MAP3K5: variants seen among roughly 807,000 people sequenced by gnomAD.
The protein encoded by MAP3K5 is ASK-1.
A neutral mutation model predicts 158.7 loss-of-function variants in MAP3K5; 56 were observed. The observed-to-expected ratio is 0.35, with a 90% confidence interval of 0.28 to 0.44. MAP3K5 has a LOEUF of 0.44. Among genes scored for constraint, MAP3K5 ranks in the 20% least tolerant of loss-of-function variants. The pLI, the probability that MAP3K5 is intolerant of heterozygous loss-of-function variation, is 1.00. For synonymous variants in MAP3K5, 579 were observed against 601.7 expected (o/e 0.96, Z 0.55); for missense variants, 1,294 against 1,674.8 (o/e 0.77, Z 3.97).
At chr6:136,699,317 G>C (rs1780745343) in intron 3 of MAP3K5, among the ~76,000 whole-genome samples, 1 of 152,112 alleles carries the variant, frequency 6.6e-6, no homozygotes, top group South Asian at 2.1e-4. Context: ...ATGCACCAAT[G>C]GACCTGGCCT....
At chr6:136,654,595 C>T (rs1778662961) in intron 10 of MAP3K5, among the ~76,000 whole-genome samples, 2 of 152,086 alleles carry the variant, frequency 1.3e-5, no homozygotes, top group Admixed American at 1.3e-4. Context: ...TACAGGTATG[C>T]ACCACCATGC....
Position 136,720,545 on chromosome 6 carries a change from A to C in MAP3K5, c.493T>G (p.Leu165Val), listed in dbSNP as rs765441694. The C allele has an allele frequency of 2.1e-5, 34 of 1,613,296 alleles. No homozygotes were observed. The highest frequency in any genetic ancestry group is 2.1e-5 in the Non-Finnish European group (25 of 1,179,602). Residue 165 changes from leucine (L) to valine (V), a missense_variant, in exon 2 of 30, where the codon TTG becomes GTG. Transcript: ENST00000359015. ...TCTCTCACCCCAAGGTGGTAAAACA[A>C]GGACGGCTGCCGGAAGGCATCGCTC... ...EMSDAFRQPS[L>V]FYHLGVRESF...
intron 1 of MAP3K5, among the ~76,000 whole-genome samples, chr6:136,748,231 C>T (rs1022062307): frequency 1.3e-5 from 2 of 152,138 alleles, no homozygotes; most frequent in Non-Finnish European, 2.9e-5. Context: ...GGTTGACAAG[C>T]TTCTCAAATG....
At chr6:136,583,468 A>G in intron 24 of MAP3K5, 87 bp downstream of exon 24, 1 of 1,257,536 alleles carries the variant, frequency 8.0e-7, no homozygotes, top group South Asian at 1.6e-5. Flanking sequence ...TGGAATTTTA[A>G]AAGAAAAATA....
At chr6:136,741,830 T>C (rs1333032243) in intron 1 of MAP3K5, among the ~76,000 whole-genome samples, 2 of 152,116 alleles carry the variant, frequency 1.3e-5, no homozygotes, top group East Asian at 1.9e-4. Flanking sequence ...CAAAAGTAAA[T>C]TGCTTTTCTA....
chr6:136,692,256 G>C (rs1018053934), intron 7 of MAP3K5, among the ~76,000 whole-genome samples: 3 of 152,042 alleles, frequency 2.0e-5, no homozygotes, highest in Non-Finnish European at 4.4e-5. Context: ...ATAAGCTGTA[G>C]AGAGTTTGGA....
intron 2 of MAP3K5, among the ~76,000 whole-genome samples, chr6:136,718,575 T>C (rs1781622635): frequency 6.6e-6 from 1 of 152,186 alleles, no homozygotes; most frequent in African/African-American, 2.4e-5. Flanking sequence ...AGATAATATG[T>C]ACAAGATAAA....
chr6:136,611,123 A>G (rs550045200), intron 18 of MAP3K5, among the ~76,000 whole-genome samples, 159 bp downstream of exon 18: 30 of 150,196 alleles, frequency 2.0e-4, no homozygotes, highest in Non-Finnish European at 2.7e-4. Flanking sequence ...AAAAAAAAAA[A>G]AAAAAAAAAA....
In MAP3K5 at chr6:136,656,475, A is replaced by T. The variant is rs180892645; in HGVS notation, c.1527-15T>A. 1.3e-6 allele frequency: 2 copies of T among 1,525,518 alleles called. No homozygotes were observed. Among genetic ancestry groups the T allele is most frequent in the African/African-American group, 2.8e-5 (2 of 71,758 alleles). 94.5% of individuals were successfully genotyped at this position (1,525,518 alleles called of 1,614,324 possible). A position where few individuals can be genotyped will look rare whatever the true frequency, so the allele number is the denominator to read the frequency against. ...ACTTGAGGTACCTGAGAAGGAAAAG[A>T]TATAAAACATGTAACAGACAAATTT... On this transcript the variant is annotated splice_polypyrimidine_tract_variant and intron_variant, in intron 9 of 29. Transcript: ENST00000359015.
chr6:136,671,711 T>A (rs140044528), intron 7 of MAP3K5, among the ~76,000 whole-genome samples: 139 of 152,074 alleles, frequency 9.1e-4, no homozygotes, highest in Non-Finnish European at 1.4e-3. Flanking sequence ...CCTCCAGGGG[T>A]CAAGCGATTC....
chr6:136,592,391 C>A, intron 22 of MAP3K5, 46 bp downstream of exon 22: 1 of 1,599,992 alleles, frequency 6.3e-7, no homozygotes, highest in Non-Finnish European at 8.5e-7. Flanking sequence ...TAAAATGACA[C>A]ACTTAACAAC....
Position 136,665,755 on chromosome 6 carries a change from C to T in MAP3K5, c.1366+3528G>A, listed in dbSNP as rs1057219610. Among the ~76,000 whole-genome samples the T allele has an allele frequency of 1.1e-4, 17 of 152,192 alleles. 1 individual carries two copies. The highest frequency in any genetic ancestry group is 1.5e-5 in the Non-Finnish European group (1 of 68,038). On this transcript the variant is annotated intron_variant, in intron 8 of 29. Transcript: ENST00000359015. ...TTCTAATTTTCGGAAAAGTTGGTCA[C>T]TTCCATAGGTGACAAAGGAGTTTTT...
Position 136,715,782 on chromosome 6 carries a change from G to C in MAP3K5, c.588+4668C>G, listed in dbSNP as rs543312037. Among the ~76,000 whole-genome samples the C allele has an allele frequency of 5.9e-5, 9 of 152,152 alleles. No individual in the cohort carries two copies. In the East Asian group the frequency reaches 1.7e-3, roughly 29 times the overall value. On this transcript the variant is annotated intron_variant, in intron 2 of 29. Transcript: ENST00000359015. The stretch of plus-strand genomic sequence containing the variant: ...ATGGTGGTTCACACCTGTAATCCCA[G>C]CACTTTGGGAGGCCAACGGGGGCGG...
chr6:136,640,133 T>G (rs1431534317), intron 12 of MAP3K5, among the ~76,000 whole-genome samples: 1 of 152,230 alleles, frequency 6.6e-6, no homozygotes, highest in Non-Finnish European at 1.5e-5. Context: ...CGGTTAGGAC[T>G]CAGTGAGTGG....
At chr6:136,581,983 T>G (rs1774899656) in intron 24 of MAP3K5, among the ~76,000 whole-genome samples, 1 of 151,928 alleles carries the variant, frequency 6.6e-6, no homozygotes, top group African/African-American at 2.4e-5. Flanking sequence ...CTCGGGAGGC[T>G]GAGGCACAAG....
chr6:136,603,710 C>T lies in MAP3K5; in HGVS notation c.2679+1499G>A, dbSNP rs143841203. Among the ~76,000 whole-genome samples the T allele has an allele frequency of 4.8e-3, 731 of 152,180 alleles. 5 individuals carry two copies. Among genetic ancestry groups the T allele is most frequent in the African/African-American group, 0.017 (699 of 41,506 alleles). ...CACATGGTATAATAATCATTGCATT[C>T]GTGAATTATAAAGCAGCATTTCAGA... On this transcript the variant is annotated intron_variant, in intron 19 of 29. Coordinates refer to ENST00000359015, the MANE Select transcript of MAP3K5 (RefSeq NM_005923.4).
At chr6:136,745,866 C>T (rs992975278) in intron 1 of MAP3K5, among the ~76,000 whole-genome samples, 4 of 152,132 alleles carry the variant, frequency 2.6e-5, no homozygotes, top group African/African-American at 9.7e-5. Flanking sequence ...TTAGCATAAC[C>T]CAGAGATTTC....
At chr6:136,763,451 TGGTTA>T (rs1243307833) in intron 1 of MAP3K5, among the ~76,000 whole-genome samples, 3 of 152,202 alleles carry the variant, frequency 2.0e-5, no homozygotes, top group African/African-American at 7.2e-5. Flanking sequence ...CTCTTCTGAC[TGGTTA>T]GCAAAAAGTC....
At chr6:136,789,263 T>TCG (rs1784970543) in intron 1 of MAP3K5, among the ~76,000 whole-genome samples, 1 of 152,218 alleles carries the variant, frequency 6.6e-6, no homozygotes, top group Non-Finnish European at 1.5e-5. Context: ...CGAACCATGA[T>TCG]CATGCCACTG....
Sources: allele counts gnomAD v4.1 joint callset (sites outside exome capture counted in the v4.1 genomes callset), GRCh38; gene constraint gnomAD v4.1.1; transcripts MANE v1.5; gene names NCBI Gene and HGNC (gene_info 2026-07-23, HGNC 2026-07-21).